ABCA13: variants seen among roughly 807,000 people sequenced by gnomAD.
ABCA13 encodes the protein ATP-binding cassette sub-family A member 13.
A neutral mutation model predicts 478.7 loss-of-function variants in ABCA13; 476 were observed. The observed-to-expected ratio is 0.99, with a 90% confidence interval of 0.92 to 1.07. The LOEUF is 1.07. ABCA13 is among the 50% of genes least tolerant of loss of function. ABCA13 has a pLI of 0.00. For synonymous variants in ABCA13, 2,252 were observed against 2,158.9 expected (o/e 1.04, Z -1.20); for missense variants, 6,060 against 5,910.6 (o/e 1.03, Z -0.83).
intron 56 of ABCA13, among the ~76,000 whole-genome samples, chr7:48,584,796 CT>C (rs757693400): frequency 3.9e-5 from 6 of 152,142 alleles, no homozygotes; most frequent in Non-Finnish European, 8.8e-5. Context: ...GACATAGGAA[CT>C]TTTATTTCTA....
intron 38 of ABCA13, among the ~76,000 whole-genome samples, chr7:48,394,183 T>A (rs1816490187): frequency 6.6e-6 from 1 of 152,224 alleles, no homozygotes; most frequent in South Asian, 2.1e-4. Context: ...TACAATTGTG[T>A]AATTTACATT....
At chr7:48,401,557 G>A (rs1817604503) in intron 38 of ABCA13, among the ~76,000 whole-genome samples, 1 of 152,130 alleles carries the variant, frequency 6.6e-6, no homozygotes, top group Admixed American at 6.6e-5. Flanking sequence ...CCTGCAGAAG[G>A]ACCTGTGCTT....
intron 55 of ABCA13, among the ~76,000 whole-genome samples, chr7:48,543,931 G>A (rs980651637): frequency 1.1e-4 from 17 of 151,550 alleles, no homozygotes; most frequent in African/African-American, 3.9e-4. Context: ...TTTTCCTTCT[G>A]GGAAATTTGT....
At chr7:48,350,576 C>G in intron 29 of ABCA13, 67 bp from the exon 30 acceptor site, 1 of 1,432,018 alleles carries the variant, frequency 7.0e-7, no homozygotes, top group Non-Finnish European at 9.4e-7. Context: ...ACAATCTCCA[C>G]TATATGAGTG....
At chr7:48,204,829 T>C (rs1784724235) in intron 3 of ABCA13, among the ~76,000 whole-genome samples, 1 of 152,128 alleles carries the variant, frequency 6.6e-6, no homozygotes, top group Non-Finnish European at 1.5e-5. Flanking sequence ...TCCGGATGGG[T>C]CTGGGGTTTA....
intron 39 of ABCA13, among the ~76,000 whole-genome samples, chr7:48,407,373 G>A (rs1257041228): frequency 6.6e-6 from 1 of 151,538 alleles, no homozygotes; most frequent in Non-Finnish European, 1.5e-5. Flanking sequence ...CTGCTTGGGA[G>A]GCTGAGACAT....
In ABCA13 at chr7:48,481,167, C is replaced by T; in HGVS notation, c.13094+13C>T. On this transcript the variant is annotated intron_variant, in intron 46 of 61. Coordinates refer to ENST00000435803, the MANE Select transcript of ABCA13 (RefSeq NM_152701.5). The stretch of plus-strand genomic sequence containing the variant: ...CTGAAAAACCAAGGTGTGTTCAATA[C>T]TCTTGTTGGGTCTTTACTTGTTTGG... The T allele has an allele frequency of 2.0e-6, 3 of 1,530,186 alleles. No individual in the cohort carries two copies. The highest frequency in any genetic ancestry group is 2.7e-6 in the Non-Finnish European group (3 of 1,121,426). The allele number at this position is 1,530,186 out of a possible 1,614,324, so 94.8% of individuals were successfully genotyped here.
At position 48,272,405 on chromosome 7, in the gene ABCA13, C is replaced by G. The variant is rs773865938; in HGVS notation, c.2739C>G (p.Ile913Met). ...TTGGATTTTTGGAGCAGGAACAGAT[C>G]TCAGAAGCTCTGAACACAGTCTACG... ...HEFGFLEQEQ[I>M]SEALNTVYAI... Residue 913 changes from isoleucine to methionine, a missense_variant, in exon 17 of 62, where the codon ATC becomes ATG. Ile to Met is a conservative substitution (Grantham distance 10, BLOSUM62 1). Coordinates refer to ENST00000435803, the MANE Select transcript of ABCA13 (RefSeq NM_152701.5). The G allele has an allele frequency of 1.4e-5, 22 of 1,613,784 alleles. No homozygotes were observed. Among genetic ancestry groups the G allele is most frequent in the Non-Finnish European group, 1.8e-5 (21 of 1,179,764 alleles).
intron 16 of ABCA13, among the ~76,000 whole-genome samples, chr7:48,270,220 A>T (rs1160574441): frequency 1.3e-5 from 2 of 152,188 alleles, no homozygotes; most frequent in Non-Finnish European, 2.9e-5. Flanking sequence ...TAGTCATGCC[A>T]CATAATAACA....
chr7:48,351,464 G>A (rs760378651), intron 30 of ABCA13, among the ~76,000 whole-genome samples: 2 of 152,132 alleles, frequency 1.3e-5, no homozygotes, highest in Admixed American at 6.5e-5. Flanking sequence ...TTTTTCCTGC[G>A]GGCTATGAGG....
At chr7:48,523,838 C>T (rs35573123) in intron 53 of ABCA13, among the ~76,000 whole-genome samples, 12,709 of 152,042 alleles carry the variant, frequency 0.084, 905 homozygotes, top group African/African-American at 0.2. Context: ...TATAAACTTA[C>T]AATGTTTCAG....
chr7:48,523,198 G>A (rs1466281020), intron 53 of ABCA13, among the ~76,000 whole-genome samples: 1 of 151,902 alleles, frequency 6.6e-6, no homozygotes, highest in African/African-American at 2.4e-5. Flanking sequence ...TTATATAAAT[G>A]AGGTCATGTA....
chr7:48,339,860 C>T (rs867909793), intron 29 of ABCA13, among the ~76,000 whole-genome samples: 6 of 152,082 alleles, frequency 3.9e-5, no homozygotes, highest in Admixed American at 1.3e-4. Flanking sequence ...CAGGCATTCA[C>T]GGGTGGGGTG....
chr7:48,315,291 A>G (rs1467239557), intron 26 of ABCA13, among the ~76,000 whole-genome samples: 1 of 152,152 alleles, frequency 6.6e-6, no homozygotes, highest in Admixed American at 6.5e-5. Context: ...GTCATCTCAT[A>G]ATTTCTGTAG....
At chr7:48,404,115 A>G (rs747184055) in intron 39 of ABCA13, 2 of 498,994 alleles carry the variant, frequency 4.0e-6, no homozygotes, top group East Asian at 5.0e-5. Context: ...AATGACATCT[A>G]TGTACATTAT....
intron 27 of ABCA13, among the ~76,000 whole-genome samples, chr7:48,325,431 G>A (rs1242093451): frequency 1.3e-5 from 2 of 152,088 alleles, no homozygotes; most frequent in Non-Finnish European, 2.9e-5. Flanking sequence ...ACCTTTGCCA[G>A]CATCACATCC....
At chr7:48,643,039 G>A (rs892364649) in intron 59 of ABCA13, among the ~76,000 whole-genome samples, 2 of 152,070 alleles carry the variant, frequency 1.3e-5, no homozygotes. Context: ...TTTATTGACT[G>A]GGTGTTGATT....
chr7:48,619,255 C>A (rs1792891894), intron 59 of ABCA13, among the ~76,000 whole-genome samples: 1 of 152,120 alleles, frequency 6.6e-6, no homozygotes, highest in Admixed American at 6.5e-5. Flanking sequence ...GTTCCTTGGA[C>A]CCCTGATCTA....
rs117996466 is a variant in ABCA13, at chr7:48,470,162, C to T, written c.12906-1368C>T. The stretch of plus-strand genomic sequence containing the variant: ...ACTTCTGATTTCTCATAGATCATCC[C>T]CTCTGTCTCTCCCTTTTATGAACAT... On this transcript the variant is annotated intron_variant, in intron 44 of 61. Coordinates refer to ENST00000435803, the MANE Select transcript of ABCA13 (RefSeq NM_152701.5). Among the ~76,000 whole-genome samples, 824 of 152,236 alleles carry T rather than the reference C, an allele frequency of 5.4e-3. 4 individuals are homozygous for T. Among genetic ancestry groups the T allele is most frequent in the Non-Finnish European group, 7.9e-3 (537 of 68,008 alleles).
Sources: allele counts gnomAD v4.1 joint callset (sites outside exome capture counted in the v4.1 genomes callset), GRCh38; gene constraint gnomAD v4.1.1; transcripts MANE v1.5; gene names NCBI Gene and HGNC (gene_info 2026-07-23, HGNC 2026-07-21).